CDH3: variants seen among roughly 807,000 people sequenced by gnomAD.
CDH3 encodes cadherin-3.
In CDH3, 54 loss-of-function variants were observed where a neutral mutation model predicts 82.0. The observed-to-expected ratio is 0.66, with a 90% confidence interval of 0.53 to 0.83. The LOEUF (loss-of-function observed/expected upper bound fraction) is 0.83, where lower values mean the gene tolerates loss of function less well. Ranked by LOEUF, CDH3 falls within the 40% of genes least tolerant of loss-of-function variation. CDH3 has a pLI of 0.00. For missense variants in CDH3, 1,054 were observed against 1,084.6 expected (o/e 0.97, Z 0.40); for synonymous variants, 446 against 437.9 (o/e 1.02, Z -0.23).
chr16:68,660,454 AT>A (rs1035633361), intron 2 of CDH3, among the ~76,000 whole-genome samples: 1 of 152,240 alleles, frequency 6.6e-6, no homozygotes, highest in East Asian at 1.9e-4. Context: ...TTCAAAGTGC[AT>A]TTTTTTCTCA....
chr16:68,672,048 C>T (rs538182125), intron 2 of CDH3, among the ~76,000 whole-genome samples: 9 of 151,916 alleles, frequency 5.9e-5, no homozygotes, highest in South Asian at 4.2e-4. Context: ...TAAAATTAGC[C>T]GGGCGAGGTG....
chr16:68,711,665 ACTTACATC>A (rs1962032977), intron 1 of CDH3, among the ~76,000 whole-genome samples: 1 of 152,158 alleles, frequency 6.6e-6, no homozygotes, highest in South Asian at 2.1e-4. Flanking sequence ...TCCCGTGGGA[ACTTACATC>A]CTTTATTTCA....
At chr16:68,730,198 A>T (rs1597833779), downstream of CDH3, among the ~76,000 whole-genome samples, 1 of 142,466 alleles carries the variant, frequency 7.0e-6, no homozygotes, top group Non-Finnish European at 1.5e-5. Context: ...GCACCACTGC[A>T]CTCCAGCCTG....
At chr16:68,705,340 G>A (rs1009679470) in intron 1 of CDH3, among the ~76,000 whole-genome samples, 2 of 152,096 alleles carry the variant, frequency 1.3e-5, no homozygotes, top group African/African-American at 4.8e-5. Context: ...CCACTTCTGG[G>A]GTCCCCTTGA....
chr16:68,676,589 A>AG, intron 3 of CDH3, 119 bp downstream of exon 3: 1 of 761,990 alleles, frequency 1.3e-6, no homozygotes, highest in East Asian at 2.6e-5. Flanking sequence ...CCTTCAGAGG[A>AG]GGTAGTGTTA....
chr16:68,731,083 TA>T (rs1962281467), downstream of CDH3, among the ~76,000 whole-genome samples: 1 of 110,870 alleles, frequency 9.0e-6, no homozygotes, highest in Non-Finnish European at 1.8e-5. Flanking sequence ...TATATAATTA[TA>T]AAAATATATA....
Position 68,707,298 on chromosome 16 carries a change from C to G in CDH3, c.99+11375C>G, listed in dbSNP as rs924306915. Reference sequence around the variant, plus strand: ...ACAGGTAAGGAGCGGGGGGCCAAGGCGCCCAGTCCTGGGTGTCCTCCTTCA... The same window carrying G: ...ACAGGTAAGGAGCGGGGGGCCAAGGGGCCCAGTCCTGGGTGTCCTCCTTCA... On this transcript the variant is annotated intron_variant, in intron 1 of 2. Coordinates refer to the CDH3 transcript ENST00000569080. This position sits in a 1 kb window ranked among gnomAD's most constrained non-coding sequence, Gnocchi z 4.5. Among the ~76,000 whole-genome samples, 1 of 152,136 alleles carries G rather than the reference C, an allele frequency of 6.6e-6. No homozygotes were observed. The highest frequency in any genetic ancestry group is 1.9e-4 in the East Asian group (1 of 5,188).
At chr16:68,692,240 T>C (rs1961600413) in intron 13 of CDH3, among the ~76,000 whole-genome samples, 2 of 152,140 alleles carry the variant, frequency 1.3e-5, no homozygotes, top group Non-Finnish European at 2.9e-5. Flanking sequence ...CCTCACTATG[T>C]TGCCCAGGCT....
intron 2 of CDH3, among the ~76,000 whole-genome samples, chr16:68,667,221 T>C (rs1404987677): frequency 6.6e-6 from 1 of 152,238 alleles, no homozygotes. Flanking sequence ...CGGTGCCCTC[T>C]TATCCCAATC....
chr16:68,686,244 CG>C (rs139352480), intron 11 of CDH3, among the ~76,000 whole-genome samples: 7,243 of 152,350 alleles, frequency 0.048, 384 homozygotes, highest in African/African-American at 0.13. Context: ...CAGCACGCCT[CG>C]GGGCGAGCGG....
intron 2 of CDH3, among the ~76,000 whole-genome samples, chr16:68,674,319 A>G (rs1280945863): frequency 6.6e-6 from 1 of 152,104 alleles, no homozygotes; most frequent in Non-Finnish European, 1.5e-5. Flanking sequence ...CTTATTGGCC[A>G]TTGTGTATCT....
intron 2 of CDH3, among the ~76,000 whole-genome samples, chr16:68,673,073 C>T (rs902545434): frequency 1.3e-5 from 2 of 152,066 alleles, no homozygotes; most frequent in African/African-American, 2.4e-5. Flanking sequence ...TTGTTTGGGC[C>T]GATTCTGGCT....
At chr16:68,704,211 C>G (rs890922644), downstream of CDH3, among the ~76,000 whole-genome samples, 1 of 146,638 alleles carries the variant, frequency 6.8e-6, no homozygotes, top group Non-Finnish European at 1.5e-5. Context: ...GGCGTGAACC[C>G]GGGAGGCAGA....
rs372221192 is a variant in CDH3, at chr16:68,691,908, G to C, written c.1984G>C (p.Ala662Pro). The change falls in exon 13 of 16, where the codon GCT (alanine) becomes CCT (proline). Residue 662 changes from alanine (A) to proline (P), a missense_variant. Transcript: ENST00000264012. ...KGGFILPVLG[A>P]VLALLFLLLV... Reference sequence around the variant, plus strand: ...AGGTTTCATCCTCCCTGTGCTGGGGGCTGTCCTGGCTCTGCTGTGTGAGTA... The same window carrying C: ...AGGTTTCATCCTCCCTGTGCTGGGGCCTGTCCTGGCTCTGCTGTGTGAGTA... 3 of 1,613,058 alleles carry C rather than the reference G, an allele frequency of 1.9e-6. No individual in the cohort carries two copies. The highest frequency in any genetic ancestry group is 2.5e-6 in the Non-Finnish European group (3 of 1,179,788).
At chr16:68,652,653 C>T (rs529563846) in intron 2 of CDH3, among the ~76,000 whole-genome samples, 4 of 152,132 alleles carry the variant, frequency 2.6e-5, no homozygotes, top group Non-Finnish European at 5.9e-5. Flanking sequence ...ACTTAAAACC[C>T]CTGTGTTTCT....
At chr16:68,693,380 G>C (rs1314465676) in intron 13 of CDH3, among the ~76,000 whole-genome samples, 2 of 152,156 alleles carry the variant, frequency 1.3e-5, no homozygotes, top group African/African-American at 4.8e-5. Context: ...CTCAGGCTAG[G>C]ATGGCAGCAT....
Position 68,698,565 on chromosome 16 carries a change from C to CG in CDH3, c.*165_*166insG. 1 of 636,782 alleles carries CG rather than the reference C, an allele frequency of 1.6e-6. No homozygotes were observed. The highest frequency in any genetic ancestry group is 2.7e-5 in the Admixed American group (1 of 37,284). 39.4% of individuals were successfully genotyped at this position (636,782 alleles called of 1,614,324 possible). A position where few individuals can be genotyped will look rare whatever the true frequency, so the allele number is the denominator to read the frequency against. On this transcript the variant is annotated 3_prime_UTR_variant, in exon 16 of 16. Coordinates refer to ENST00000264012, the MANE Select transcript of CDH3 (RefSeq NM_001793.6). ...GACGTTAGAGTGGTGGCTTCCTTAG[C>CG]CTTTCAGGATGGAGGAATGTGGGCA...
rs796977184 is a variant in CDH3, at chr16:68,723,937, C to CGG, written c.*45+1323_*45+1324dup. Among the ~76,000 whole-genome samples, 1,436 of 151,846 alleles carry CGG rather than the reference C, an allele frequency of 9.5e-3. 25 individuals carry two copies. The highest frequency in any genetic ancestry group is 0.033 in the African/African-American group (1,353 of 41,446). On this transcript the variant is annotated intron_variant, in intron 2 of 2. Transcript: ENST00000569080. ...ACAAAAAATTAGCCGGGCATAGTGG[C>CGG]GGGTGCCTGTAGTCCCAGCTACTTG...
rs770904110 is a variant in CDH3, at chr16:68,691,896, C to T, written c.1972C>T (p.Pro658Ser). 6.2e-7 allele frequency: 1 copy of T among 1,613,786 alleles called. No individual in the cohort carries two copies. Among genetic ancestry groups the T allele is most frequent in the African/African-American group, 1.3e-5 (1 of 75,026 alleles). ...ACCCTGGAAGGGAGGTTTCATCCTC[C>T]CTGTGCTGGGGGCTGTCCTGGCTCT... is the stretch of plus-strand genomic sequence containing the variant. ...PGPWKGGFIL[P>S]VLGAVLALLF... Residue 658 changes from proline to serine, a missense_variant, in exon 13 of 16, where the codon CCT (proline) becomes TCT (serine). Pro to Ser is a moderately conservative substitution (Grantham distance 74). Coordinates refer to ENST00000264012, the MANE Select transcript of CDH3 (RefSeq NM_001793.6).
Sources: gnomAD v4.1 joint callset for allele counts (sites outside exome capture counted in the v4.1 genomes callset) on GRCh38, gnomAD v4.1.1 for gene constraint, Gnocchi (gnomAD v3.1) non-coding constraint, MANE v1.5 for transcripts, NCBI Gene and HGNC (gene_info 2026-07-23, HGNC 2026-07-21) for gene names.